Variants in STK32B observed in about 807,000 individuals in gnomAD.
The protein encoded by STK32B is serine/threonine kinase 32B.
Under a neutral mutation model 52.6 loss-of-function variants are expected in STK32B, and 43 were observed. The observed-to-expected ratio is 0.82, with a 90% CI of 0.64 to 1.05. STK32B has a LOEUF of 1.05. Among genes scored for constraint, STK32B ranks in the 50% least tolerant of loss-of-function variants. The probability of loss-of-function intolerance (pLI) is 0.00; values close to 1 mark genes in which losing one functional copy is unlikely to be tolerated. For synonymous variants in STK32B, 238 were observed against 204.3 expected (o/e 1.17, Z -1.41); for missense variants, 621 against 534.6 (o/e 1.16, Z -1.59).
chr4:5,244,215 T>C (rs1284327942), intron 3 of STK32B, among the ~76,000 whole-genome samples: 2 of 152,164 alleles, frequency 1.3e-5, no homozygotes, highest in East Asian at 1.9e-4. Context: ...GTCCTGGACT[T>C]TTTTTGGTTG....
At chr4:5,147,082 A>C (rs1018834070) in intron 2 of STK32B, among the ~76,000 whole-genome samples, 3 of 152,146 alleles carry the variant, frequency 2.0e-5, no homozygotes, top group Non-Finnish European at 4.4e-5. Flanking sequence ...GGTATTTAAA[A>C]GTCTATTTTA....
Position 5,061,749 on chromosome 4 carries a change from G to A in STK32B, c.52+9834G>A, listed in dbSNP as rs954143084. On this transcript the variant is annotated intron_variant, in intron 1 of 11. Coordinates refer to ENST00000282908, the MANE Select transcript of STK32B (RefSeq NM_018401.3). ...TACTGCTAGAATGTAGCTCTGTGGT[G>A]TTCTTACCAAAGCCTGGGTGTTTAC... 1.8e-4 allele frequency among the ~76,000 whole-genome samples: 27 copies of A among 152,178 alleles called. 3 individuals are homozygous for A. The highest frequency in any genetic ancestry group is 1.4e-3 in the Admixed American group (22 of 15,282).
In STK32B at chr4:5,395,153, G is replaced by T. The variant is rs1736804858; in HGVS notation, c.435-3054G>T. On this transcript the variant is annotated intron_variant, in intron 4 of 11. Coordinates refer to ENST00000282908, the MANE Select transcript of STK32B (RefSeq NM_018401.3). The surrounding 1 kb of genome is among the most constrained non-coding windows in gnomAD (Gnocchi z 4.4). ...GGACAGCTACATTCCCCACCGTGTG[G>T]CTGGCTCCACACAGCAGCTCATGTC... Among the ~76,000 whole-genome samples, 1 of 152,126 alleles carries T rather than the reference G, an allele frequency of 6.6e-6. No individual in the cohort carries two copies. Among genetic ancestry groups the T allele is most frequent in the Admixed American group, 6.5e-5 (1 of 15,280 alleles).
intron 3 of STK32B, among the ~76,000 whole-genome samples, chr4:5,218,229 G>A (rs914271453): frequency 1.3e-4 from 20 of 152,162 alleles, no homozygotes; most frequent in African/African-American, 4.8e-4. Flanking sequence ...CTTGATGTGA[G>A]TAGTGGCAAA....
intron 3 of STK32B, among the ~76,000 whole-genome samples, chr4:5,244,964 T>C (rs1245374466): frequency 1.3e-5 from 2 of 152,226 alleles, no homozygotes; most frequent in Non-Finnish European, 1.5e-5. Context: ...ATTTCTGTTC[T>C]TTTGCATTTG....
intron 1 of STK32B, among the ~76,000 whole-genome samples, chr4:5,111,692 C>T (rs73089656): frequency 0.14 from 21,749 of 151,916 alleles, 1,643 homozygotes; most frequent in Middle Eastern, 0.2. Context: ...AGAAGCCCAA[C>T]CCCTGTCATT....
At chr4:5,043,062 C>T in the STK32B span, among the ~76,000 whole-genome samples, 8 of 142,548 alleles carry the variant, frequency 5.6e-5, no homozygotes, top group African/African-American at 7.8e-5. Flanking sequence ...GCCGAGATTG[C>T]GCCACTGCAG....
At chr4:5,137,738 A>G (rs560337517) in intron 1 of STK32B, among the ~76,000 whole-genome samples, 2 of 152,336 alleles carry the variant, frequency 1.3e-5, no homozygotes, top group Non-Finnish European at 2.9e-5. Flanking sequence ...TTAGATGTCT[A>G]CAGAAGGTTC....
intron 4 of STK32B, among the ~76,000 whole-genome samples, chr4:5,339,261 G>A (rs143699591): frequency 3.3e-5 from 5 of 152,122 alleles, no homozygotes; most frequent in African/African-American, 1.2e-4. Context: ...CAAAACCACG[G>A]GAGCCGATTC....
the STK32B span, among the ~76,000 whole-genome samples, chr4:5,030,059 A>C: frequency 1.3e-5 from 2 of 152,200 alleles, no homozygotes; most frequent in African/African-American, 4.8e-5. Context: ...ATGATGGTTA[A>C]GTTTCCTGAG....
intron 1 of STK32B, among the ~76,000 whole-genome samples, chr4:5,071,564 C>G (rs747062978): frequency 2.6e-4 from 40 of 152,122 alleles, no homozygotes; most frequent in Non-Finnish European, 3.8e-4. Flanking sequence ...CAAACAAAAT[C>G]GAAAAGTCAT....
intron 11 of STK32B, among the ~76,000 whole-genome samples, chr4:5,489,732 T>A (rs755627768): frequency 1.7e-4 from 26 of 152,268 alleles, no homozygotes; most frequent in Non-Finnish European, 3.5e-4. Context: ...GCGATTCCCC[T>A]GCCTCAACCA....
At chr4:5,310,786 A>C (rs66677544) in intron 3 of STK32B, among the ~76,000 whole-genome samples, 19,476 of 152,206 alleles carry the variant, frequency 0.13, 2,693 homozygotes, top group African/African-American at 0.35. Context: ...TATGGCATCA[A>C]CTTAAGTGTC....
At position 5,319,846 on chromosome 4, in the gene STK32B, C is replaced by A. The variant is rs539155298; in HGVS notation, c.261-11374C>A. Among the ~76,000 whole-genome samples, 5 of 152,282 alleles carry A rather than the reference C, an allele frequency of 3.3e-5. No homozygotes were observed. The East Asian group carries it at 5.8e-4, about 18-fold the overall frequency. ...GCCCAAAGTCACAGGGAGAACTGAC[C>A]TGCAGAGGATGTGGCTGCCTCTGCT... On this transcript the variant is annotated intron_variant, in intron 3 of 11. Transcript: ENST00000282908.
At chr4:5,456,235 G>C (rs536346408) in intron 7 of STK32B, among the ~76,000 whole-genome samples, 1 of 152,358 alleles carries the variant, frequency 6.6e-6, no homozygotes, top group Admixed American at 6.5e-5. Context: ...TCAGAAACTG[G>C]GGGAGAGCAG....
intron 3 of STK32B, among the ~76,000 whole-genome samples, chr4:5,249,437 ACCTACCTTCCTT>A (rs1378106244): frequency 1.1e-4 from 12 of 107,656 alleles, no homozygotes; most frequent in East Asian, 4.0e-4. Context: ...CTTCCTTCCT[ACCTACCTTCCTT>A]CCTTCCTTCC....
chr4:5,292,432 G>C (rs921452780), intron 3 of STK32B, among the ~76,000 whole-genome samples: 2 of 152,032 alleles, frequency 1.3e-5, no homozygotes, highest in African/African-American at 4.8e-5. Flanking sequence ...TTGGCTGCTT[G>C]TATGTGTTCT....
chr4:5,259,825 A>G (rs1726580413), intron 3 of STK32B, among the ~76,000 whole-genome samples: 1 of 152,124 alleles, frequency 6.6e-6, no homozygotes, highest in Non-Finnish European at 1.5e-5. Context: ...TAAGGGGTAT[A>G]TTTAGGAGGG....
At chr4:5,418,156 A>G (rs1712314994) in intron 6 of STK32B, among the ~76,000 whole-genome samples, 1 of 152,186 alleles carries the variant, frequency 6.6e-6, no homozygotes, top group African/African-American at 2.4e-5. Context: ...ACAACCCATC[A>G]CTGTGTCTTT....
Sources: allele counts gnomAD v4.1 joint callset (sites outside exome capture counted in the v4.1 genomes callset), GRCh38; gene constraint gnomAD v4.1.1; non-coding constraint Gnocchi (gnomAD v3.1); transcripts MANE v1.5; gene names NCBI Gene and HGNC (gene_info 2026-07-23, HGNC 2026-07-21).